The following GP6 variants were observed in gnomAD, a reference collection of about 807,000 sequenced individuals.
The protein encoded by GP6 is glycoprotein VI platelet.
GP6 carries 45 observed loss-of-function variants against 37.3 expected under a neutral mutation model. The ratio of observed to expected loss-of-function variants is 1.21; its 90% confidence interval spans 0.95 to 1.55. The LOEUF (loss-of-function observed/expected upper bound fraction) is 1.55. GP6 is among the 40% of genes most tolerant of loss of function. The pLI is 0.00. For missense variants in GP6, 813 were observed against 760.2 expected, an observed-to-expected ratio of 1.07 and a Z score of -0.82; for synonymous variants, 340 against 316.4, an observed-to-expected ratio of 1.07 and a Z score of -0.79.
chr19:55,033,788 G>A (rs894885099), intron 1 of GP6, among the ~76,000 whole-genome samples: 7 of 151,968 alleles, frequency 4.6e-5, no homozygotes, highest in Non-Finnish European at 1.0e-4. Flanking sequence ...GGATGCATTG[G>A]GCTCCAAGGA....
intron 3 of GP6, among the ~76,000 whole-genome samples, chr19:55,031,591 A>G (rs780313578): frequency 5.9e-5 from 9 of 152,054 alleles, no homozygotes; most frequent in Non-Finnish European, 1.2e-4. Flanking sequence ...TGTTTTTGCA[A>G]TTTATTTTGA....
chr19:55,024,334 GCACACACGCA>G (rs2074215025), intron 5 of GP6, among the ~76,000 whole-genome samples: 1 of 47,356 alleles, frequency 2.1e-5, no homozygotes, highest in African/African-American at 5.0e-5. Flanking sequence ...ACATATGCAC[GCACACACGCA>G]CATGCACGCA....
rs1374532735 is a variant in GP6, at chr19:55,027,677, T to G, written c.511A>C (p.Thr171Pro). ...CGGTAGGTTCCGCTGTGGGCGGCGG[T>G]CACCGTGATGATGGGAAAACTAGCC... Residue 171 changes from threonine (T) to proline (P), a missense_variant, in exon 4 of 8, where the codon ACC becomes CCC. Coordinates refer to ENST00000310373, the MANE Select transcript of GP6 (RefSeq NM_001083899.2). The G allele has an allele frequency of 3.7e-6, 6 of 1,612,728 alleles. No homozygotes were observed. Among genetic ancestry groups the G allele is most frequent in the Non-Finnish European group, 5.1e-6 (6 of 1,178,700 alleles).
chr19:55,024,296 G>GCACACGCA lies in GP6; in HGVS notation c.664+921_664+922insTGCGTGTG, dbSNP rs1171649622. 4.8e-4 allele frequency among the ~76,000 whole-genome samples: 27 copies of GCACACGCA among 56,244 alleles called. No homozygotes were observed. In the East Asian group the frequency reaches 5.8e-3, roughly 12 times the overall value. 36.9% of individuals were successfully genotyped at this position (56,244 alleles called of 152,430 possible). On this transcript the variant is annotated intron_variant, in intron 5 of 7. Transcript: ENST00000310373. ...CGCATGCACACACACACATATGCAC[G>GCACACGCA]CATGCACACACATATGCACGCACAC... is the stretch of plus-strand genomic sequence containing the variant.
chr19:55,033,482 CGGTG>C lies in GP6; in HGVS notation c.35-948_35-945del, dbSNP rs1334033370. On this transcript the variant is annotated intron_variant, in intron 1 of 7. Coordinates refer to ENST00000310373, the MANE Select transcript of GP6 (RefSeq NM_001083899.2). The stretch of plus-strand genomic sequence containing the variant: ...GGGCTCGTTCGTGTTGTGTTAGACA[CGGTG>C]GGCTCGTTCGTGTTGTGTTAGACAC... Among the ~76,000 whole-genome samples, 120 of 91,196 alleles carry C rather than the reference CGGTG, an allele frequency of 1.3e-3. 1 individual carries two copies. The highest frequency in any genetic ancestry group is 4.7e-3 in the African/African-American group (114 of 24,482). The allele number at this position is 91,196 out of a possible 152,430, so 59.8% of individuals were successfully genotyped here. A position where few individuals can be genotyped will look rare whatever the true frequency, so the allele number is the denominator to read the frequency against.
At position 55,036,301 on chromosome 19, in the gene GP6, G is replaced by A. The variant is rs761965186; in HGVS notation, c.34+1902C>T. Among the ~76,000 whole-genome samples, 81 of 152,140 alleles carry A rather than the reference G, an allele frequency of 5.3e-4. 2 individuals are homozygous for A. The highest frequency in any genetic ancestry group is 3.4e-3 in the Middle Eastern group (1 of 294). On this transcript the variant is annotated intron_variant, in intron 1 of 7. Transcript: ENST00000310373. ...ATGAAAAACTACACATTAGGTACAAGGTACACTAGTCAGGTGACAGGTGCA... is the reference window on the plus strand; with the variant it reads ...ATGAAAAACTACACATTAGGTACAAAGTACACTAGTCAGGTGACAGGTGCA...
chr19:55,033,946 C>T (rs560019854), intron 1 of GP6, among the ~76,000 whole-genome samples: 1 of 152,062 alleles, frequency 6.6e-6, no homozygotes, highest in South Asian at 2.1e-4. Flanking sequence ...TTCAAATAGC[C>T]TGAAGGAGGA....
chr19:55,019,017 G>C (rs2073976652), intron 5 of GP6, among the ~76,000 whole-genome samples: 1 of 151,970 alleles, frequency 6.6e-6, no homozygotes, highest in South Asian at 2.1e-4. Context: ...GTTCTCTTGG[G>C]TACACACCCA....
At chr19:55,020,837 G>A (rs1171238124) in intron 5 of GP6, among the ~76,000 whole-genome samples, 5 of 151,920 alleles carry the variant, frequency 3.3e-5, no homozygotes. Context: ...GATCACCTGA[G>A]GTCAGGAGCT....
At chr19:55,016,375 CTTTT>C (rs35960763) in intron 6 of GP6, among the ~76,000 whole-genome samples, 1 of 108,746 alleles carries the variant, frequency 9.2e-6, no homozygotes. Context: ...TACGTGCCAG[CTTTT>C]TTTTTTTTTT....
At position 55,027,732 on chromosome 19, in the gene GP6, C is replaced by G; in HGVS notation, c.456G>C (p.Ala152=). 1.9e-6 allele frequency: 3 copies of G among 1,613,926 alleles called. No homozygotes were observed. The highest frequency in any genetic ancestry group is 1.7e-6 in the Non-Finnish European group (2 of 1,179,770). The change falls in exon 4 of 8, where the codon GCG becomes GCC. Residue 152 remains alanine (A), a synonymous_variant. Transcript: ENST00000310373. ...ACCATCTCTCGGGATTCTTGTAGGG[C>G]GCAGGGTCCCCTTCCTTGTACAGAG...
chr19:55,018,432 G>A (rs1209405164), intron 6 of GP6, among the ~76,000 whole-genome samples: 1 of 152,246 alleles, frequency 6.6e-6, no homozygotes, highest in Non-Finnish European at 1.5e-5. Context: ...CACAGCCTTG[G>A]CTCCGCCATC....
At position 55,020,205 on chromosome 19, in the gene GP6, CTTTT is replaced by C. The variant is rs71181725; in HGVS notation, c.665-1498_665-1495del. Among the ~76,000 whole-genome samples the C allele has an allele frequency of 7.9e-3, 882 of 111,498 alleles. 8 individuals are homozygous for C. The highest frequency in any genetic ancestry group is 0.032 in the African/African-American group (823 of 25,444). The allele number at this position is 111,498 out of a possible 152,430, so 73.1% of individuals were successfully genotyped here. On this transcript the variant is annotated intron_variant, in intron 5 of 7. Transcript: ENST00000310373. ...CTTCGTGTGAGATGCATTAATAAAC[CTTTT>C]TTTTTTTTTTCAATTAAAATTTCAG...
At chr19:55,015,591 T>G in intron 7 of GP6, 92 bp downstream of exon 7, 1 of 811,640 alleles carries the variant, frequency 1.2e-6, no homozygotes, top group Non-Finnish European at 2.2e-6. Context: ...ACCCAAGATC[T>G]GAGAGCTGCA....
intron 5 of GP6, among the ~76,000 whole-genome samples, chr19:55,022,498 G>T (rs901469278): frequency 6.6e-6 from 1 of 152,230 alleles, no homozygotes; most frequent in Admixed American, 6.5e-5. Context: ...AGTATTGGAA[G>T]TTCTGGCCAG....
At chr19:55,015,451 A>G (rs1033044380) in intron 7 of GP6, among the ~76,000 whole-genome samples, 12 of 152,196 alleles carry the variant, frequency 7.9e-5, no homozygotes, top group Admixed American at 5.9e-4. Flanking sequence ...GAGGACAGTT[A>G]TAAGGGGTGG....
chr19:55,027,783 C>T lies in GP6; in HGVS notation c.405G>A (p.Gln135=). Reference sequence around the variant, plus strand: ...CAAATTGGTCAAAGCCATACCGAGTCTGACACTGTAGGGTTACGTCCCCTC... The same window carrying T: ...CAAATTGGTCAAAGCCATACCGAGTTTGACACTGTAGGGTTACGTCCCCTC... Residue 135 remains glutamine, a synonymous_variant, in exon 4 of 8, where the codon CAG becomes CAA. Transcript: ENST00000310373. 6.2e-7 allele frequency: 1 copy of T among 1,614,040 alleles called. No homozygotes were observed. Among genetic ancestry groups the T allele is most frequent in the Non-Finnish European group, 8.5e-7 (1 of 1,179,876 alleles).
rs28385643 is a variant in GP6 at position 55,032,367 on chromosome 19, G to T, written c.97C>A (p.Leu33Met). Residue 33 changes from leucine (L) to methionine (M), a missense_variant, in exon 3 of 8, where the codon CTG becomes ATG. Coordinates refer to ENST00000310373, the MANE Select transcript of GP6 (RefSeq NM_001083899.2). ...TCCAGGGGCACCAGGGAGCTGGGCA[G>T]AGCCTGGAGGGAGGGCTTGGGGAGC... 1.9e-6 allele frequency: 3 copies of T among 1,613,664 alleles called. No individual in the cohort carries two copies. The East Asian group carries it at 6.7e-5, about 36-fold the overall frequency.
At chr19:55,035,679 T>G in intron 1 of GP6, among the ~76,000 whole-genome samples, 1 of 151,596 alleles carries the variant, frequency 6.6e-6, no homozygotes. Flanking sequence ...GTCATGCCAC[T>G]GCGCTCCAGT....
Sources: gnomAD v4.1 joint callset for allele counts (sites outside exome capture counted in the v4.1 genomes callset) on GRCh38, gnomAD v4.1.1 for gene constraint, MANE v1.5 for transcripts, NCBI Gene and HGNC (gene_info 2026-07-23, HGNC 2026-07-21) for gene names.